The following EXOSC3 variants were observed in gnomAD, a reference collection of about 807,000 sequenced individuals.
EXOSC3 encodes exosome component 3.
In EXOSC3, 18 loss-of-function variants were observed where a neutral mutation model predicts 25.1. The ratio of observed to expected loss-of-function variants is 0.72; its 90% CI spans 0.50 to 1.06. The LOEUF is 1.06. EXOSC3 is among the 50% of genes least tolerant of loss of function. The probability of loss-of-function intolerance (pLI) is 0.00; values close to 1 mark genes in which losing one functional copy is unlikely to be tolerated. For missense variants in EXOSC3, 382 were observed against 350.9 expected, an observed-to-expected ratio of 1.09 and a Z score of -0.71; for synonymous variants, 165 against 132.2, an observed-to-expected ratio of 1.25 and a Z score of -1.70.
chr9:37,783,530 C>T (rs1828638656), intron 2 of EXOSC3, among the ~76,000 whole-genome samples: 1 of 152,292 alleles, frequency 6.6e-6, no homozygotes, highest in Non-Finnish European at 1.5e-5. Context: ...CTAGGACCTA[C>T]AGCCAGGATG....
In EXOSC3 at chr9:37,784,068, A is replaced by G; in HGVS notation, c.325-5T>C. ...GTCTCCTTTTACTGGAACATACTAC[A>G]AAAAGAAACAGAATGAAAAAACAGC... On this transcript the variant is annotated splice_polypyrimidine_tract_variant and splice_region_variant and intron_variant, in intron 1 of 3. Coordinates refer to ENST00000327304, the MANE Select transcript of EXOSC3 (RefSeq NM_016042.4). 2 of 1,602,766 alleles carry G rather than the reference A, an allele frequency of 1.2e-6. No individual in the cohort carries two copies. Among genetic ancestry groups the G allele is most frequent in the Non-Finnish European group, 1.7e-6 (2 of 1,175,842 alleles).
In EXOSC3 at chr9:37,784,059, A is replaced by C; in HGVS notation, c.329T>G (p.Val110Gly). Residue 110 changes from valine to glycine, a missense_variant, in exon 2 of 4, where the codon GTT (valine) becomes GGT (glycine). Coordinates refer to ENST00000327304, the MANE Select transcript of EXOSC3 (RefSeq NM_016042.4). ...YWVDSQQKRY[V>G]PVKGDHVIGI... The stretch of plus-strand genomic sequence containing the variant: ...AATCACATGGTCTCCTTTTACTGGA[A>C]CATACTACAAAAAGAAACAGAATGA... The C allele has an allele frequency of 6.2e-7, 1 of 1,606,024 alleles. No individual in the cohort carries two copies. Among genetic ancestry groups the C allele is most frequent in the Non-Finnish European group, 8.5e-7 (1 of 1,177,302 alleles).
chr9:37,783,429 T>A (rs543479413), intron 2 of EXOSC3, among the ~76,000 whole-genome samples: 9 of 152,298 alleles, frequency 5.9e-5, no homozygotes, highest in Non-Finnish European at 1.3e-4. Context: ...TCACTAAATT[T>A]CAGGCTGGAT....
intron 3 of EXOSC3, 52 bp downstream of exon 3, chr9:37,781,934 C>T (rs1029173195): frequency 2.1e-5 from 33 of 1,555,380 alleles, no homozygotes; most frequent in Non-Finnish European, 2.7e-5. Context: ...ACCAACTTTC[C>T]AAGAATGTAT....
chr9:37,784,910 A>T lies in EXOSC3; in HGVS notation c.135T>A (p.Pro45=), dbSNP rs1458438096. The change falls in exon 1 of 4, where the codon CCT becomes CCA. Residue 45 remains proline (P), a synonymous_variant. Coordinates refer to ENST00000327304, the MANE Select transcript of EXOSC3 (RefSeq NM_016042.4). ...TCAACGGTCGCTCCACTGCACCCCC[A>T]GGGCCTTCCGCGTCCTCCTGTTCCG... ...LLPEQEDAEG[P]GGAVERPLSL... 3 of 1,608,194 alleles carry T rather than the reference A, an allele frequency of 1.9e-6. No homozygotes were observed. The highest frequency in any genetic ancestry group is 1.1e-5 in the South Asian group (1 of 90,036).
At chr9:37,782,601 G>A (rs760624327) in intron 2 of EXOSC3, among the ~76,000 whole-genome samples, 1 of 152,184 alleles carries the variant, frequency 6.6e-6, no homozygotes, top group Non-Finnish European at 1.5e-5. Context: ...ACAGAGAAAG[G>A]AAGGAACTCC....
At chr9:37,783,839 G>T in intron 2 of EXOSC3, 75 bp downstream of exon 2, 1 of 1,494,748 alleles carries the variant, frequency 6.7e-7, no homozygotes. Context: ...AGACAATTCA[G>T]ATAGCCTTCT....
upstream of EXOSC3, chr9:37,785,082 T>C: frequency 2.6e-6 from 4 of 1,551,902 alleles, no homozygotes; most frequent in Non-Finnish European, 3.5e-6. Flanking sequence ...GTACCCGCCT[T>C]CCGCTTCCGC....
chr9:37,781,633 C>T (rs1054456822), intron 3 of EXOSC3, among the ~76,000 whole-genome samples: 2 of 152,022 alleles, frequency 1.3e-5, no homozygotes, highest in Admixed American at 1.3e-4. Flanking sequence ...TATACAACTG[C>T]AGACTGCATC....
intron 1 of EXOSC3, chr9:37,784,338 A>G (rs1303236899): frequency 3.5e-5 from 17 of 482,138 alleles, no homozygotes; most frequent in Non-Finnish European, 5.5e-5. Flanking sequence ...CCTTACAACC[A>G]AGGAAGCCCA....
Position 37,783,917 on chromosome 9 carries a change from C to T in EXOSC3, c.471G>A (p.Val157=), listed in dbSNP as rs750485929. 1 of 1,610,144 alleles carries T rather than the reference C, an allele frequency of 6.2e-7. No individual in the cohort carries two copies. Among genetic ancestry groups the T allele is most frequent in the Non-Finnish European group, 8.5e-7 (1 of 1,179,294 alleles). ...AACCAAAGGCTCCCGTAATTACCTG[C>T]ACATTTGGTCTGTTTCTTTTAGTTG... ...EGATKRNRPN[V]QVGDLIYGQF... The change falls in exon 2 of 4, where the codon GTG becomes GTA. Residue 157 remains valine (V), a synonymous_variant. Coordinates refer to ENST00000327304, the MANE Select transcript of EXOSC3 (RefSeq NM_016042.4).
chr9:37,783,092 T>C (rs888504390), intron 2 of EXOSC3, among the ~76,000 whole-genome samples: 3 of 152,084 alleles, frequency 2.0e-5, no homozygotes, highest in Non-Finnish European at 1.5e-5. Context: ...GTGATTTGAG[T>C]ATGGCTGTAT....
At chr9:37,781,808 T>C (rs756283382) in intron 3 of EXOSC3, 178 bp downstream of exon 3, 88 of 670,270 alleles carry the variant, frequency 1.3e-4, no homozygotes, top group Non-Finnish European at 2.0e-4. Flanking sequence ...GAATTTGATA[T>C]GTTTCCAAGA....
chr9:37,784,189 G>T, intron 1 of EXOSC3, 126 bp from the exon 2 acceptor site: 2 of 1,044,320 alleles, frequency 1.9e-6, no homozygotes, highest in African/African-American at 1.6e-5. Context: ...TGCCACTTTC[G>T]GTAAAAGAAA....
At chr9:37,781,157 C>T (rs149512504) in intron 3 of EXOSC3, among the ~76,000 whole-genome samples, 4 of 152,154 alleles carry the variant, frequency 2.6e-5, no homozygotes, top group Non-Finnish European at 5.9e-5. Flanking sequence ...GGTCAGAGCA[C>T]TTTAATTCTA....
intron 1 of EXOSC3, 40 bp from the exon 2 acceptor site, chr9:37,784,103 C>G: frequency 6.3e-7 from 1 of 1,588,346 alleles, no homozygotes; most frequent in Non-Finnish European, 8.6e-7. Flanking sequence ...CCATAAATGA[C>G]AAGATACCAT....
rs1564012730 is a variant in EXOSC3, at chr9:37,780,091, G to A, written c.*588C>T. On this transcript the variant is annotated 3_prime_UTR_variant, in exon 4 of 4. Coordinates refer to ENST00000327304, the MANE Select transcript of EXOSC3 (RefSeq NM_016042.4). ...AGTAGACAAAAGTATATTACAAAGT[G>A]GCATATAAGCTATAATAACTATAAT... 2 of 150,918 alleles carry A rather than the reference G, an allele frequency of 1.3e-5. No individual in the cohort carries two copies. Among genetic ancestry groups the A allele is most frequent in the African/African-American group, 2.5e-5 (1 of 40,212 alleles). 9.3% of individuals were successfully genotyped at this position (150,918 alleles called of 1,614,324 possible).
At chr9:37,782,228 C>CTACAGT in intron 2 of EXOSC3, 91 bp from the exon 3 acceptor site, 1 of 1,385,514 alleles carries the variant, frequency 7.2e-7, no homozygotes, top group Non-Finnish European at 1.0e-6. Flanking sequence ...TGCCAGCCAC[C>CTACAGT]TACAGTTCTG....
At chr9:37,782,940 G>A (rs914271099) in intron 2 of EXOSC3, among the ~76,000 whole-genome samples, 2 of 152,166 alleles carry the variant, frequency 1.3e-5, no homozygotes, top group Non-Finnish European at 2.9e-5. Context: ...AACTAGAGAT[G>A]GCTTTACAGA....
Sources: gnomAD v4.1 joint callset for allele counts (sites outside exome capture counted in the v4.1 genomes callset) on GRCh38, gnomAD v4.1.1 for gene constraint, MANE v1.5 for transcripts, NCBI Gene and HGNC (gene_info 2026-07-23, HGNC 2026-07-21) for gene names.